The following NBPF4 variants were observed in gnomAD, a reference collection of about 807,000 sequenced individuals.
NBPF4 encodes the protein NBPF member 4.
In NBPF4, 11 loss-of-function variants were observed where a neutral mutation model predicts 21.1. The observed-to-expected ratio is 0.52, with a 90% confidence interval of 0.33 to 0.86. NBPF4 has a LOEUF of 0.86. Among genes scored for constraint, NBPF4 ranks in the 40% least tolerant of loss-of-function variants. NBPF4 has a pLI of 0.03. For synonymous variants in NBPF4, 47 were observed against 106.4 expected (o/e 0.44, Z 3.43); for missense variants, 88 against 265.3 (o/e 0.33, Z 4.64).
In NBPF4 at chr1:108,222,940, C is replaced by G. The variant is rs1212999154; in HGVS notation, c.*765G>C. On this transcript the variant is annotated 3_prime_UTR_variant, in exon 15 of 15. Transcript: ENST00000415641. The stretch of plus-strand genomic sequence containing the variant: ...GATGGACACACTGGGCCTTCTCTGC[C>G]TGCAGATGGGCTGAGGTAGGAAGCT... 1.3e-5 allele frequency among the ~76,000 whole-genome samples: 2 copies of G among 152,168 alleles called. No homozygotes were observed. Among genetic ancestry groups the G allele is most frequent in the Non-Finnish European group, 2.9e-5 (2 of 68,030 alleles).
intron 3 of NBPF4, among the ~76,000 whole-genome samples, chr1:108,241,454 G>A (rs2488716): frequency 8.1e-5 from 12 of 147,370 alleles, no homozygotes; most frequent in Non-Finnish European, 1.3e-4. Flanking sequence ...TAATATCCTC[G>A]CAGATGTTCC....
chr1:108,257,560 T>C, the NBPF4 span, among the ~76,000 whole-genome samples: 2 of 147,008 alleles, frequency 1.4e-5, no homozygotes, highest in African/African-American at 5.1e-5. Flanking sequence ...ACGAATCTGA[T>C]TTTTTACTTA....
At chr1:108,264,646 CA>C in the NBPF4 span, among the ~76,000 whole-genome samples, 1 of 78,290 alleles carries the variant, frequency 1.3e-5, no homozygotes, top group African/African-American at 5.2e-5. Context: ...GGAAGTAAAA[CA>C]CTCCTCATCA....
the NBPF4 span, among the ~76,000 whole-genome samples, chr1:108,252,743 T>C: frequency 1.5e-5 from 2 of 132,628 alleles, no homozygotes; most frequent in Non-Finnish European, 3.2e-5. Context: ...TCAATTTTAT[T>C]CAGTTCAGCT....
the NBPF4 span, among the ~76,000 whole-genome samples, chr1:108,266,130 C>A: frequency 2.2e-5 from 3 of 136,074 alleles, no homozygotes; most frequent in South Asian, 2.4e-4. Flanking sequence ...AAAAAATCAA[C>A]AAATCTAGGA....
In NBPF4 at chr1:108,222,870, G is replaced by C. The variant is rs1168356655; in HGVS notation, c.*835C>G. Reference sequence around the variant, plus strand: ...GTCTTTACAAGGGACAGAGCTCCTAGACCCCTCCTTAACCAAGTGACCATC... The same window carrying C: ...GTCTTTACAAGGGACAGAGCTCCTACACCCCTCCTTAACCAAGTGACCATC... On this transcript the variant is annotated 3_prime_UTR_variant, in exon 15 of 15. Transcript: ENST00000415641. 6.6e-6 allele frequency among the ~76,000 whole-genome samples: 1 copy of C among 152,124 alleles called. No homozygotes were observed. Among genetic ancestry groups the C allele is most frequent in the Non-Finnish European group, 1.5e-5 (1 of 68,024 alleles).
Position 108,223,585 on chromosome 1 carries a change from T to C in NBPF4, c.*120A>G. 4.7e-6 allele frequency: 4 copies of C among 852,998 alleles called. No individual in the cohort carries two copies. The highest frequency in any genetic ancestry group is 7.5e-6 in the Non-Finnish European group (4 of 534,616). The allele number at this position is 852,998 out of a possible 1,614,324, so 52.8% of individuals were successfully genotyped here. ...AGTGGCTTGAAGTCATCAAGAGTAT[T>C]CTGTGTCTGAAATTCAATCCTCAGT... On this transcript the variant is annotated 3_prime_UTR_variant, in exon 15 of 15. Transcript: ENST00000415641.
chr1:108,258,566 G>C, the NBPF4 span, among the ~76,000 whole-genome samples: 1 of 140,122 alleles, frequency 7.1e-6, no homozygotes, highest in Non-Finnish European at 1.5e-5. Context: ...TATTTACCAG[G>C]TGAAAAGAAT....
Position 108,222,910 on chromosome 1 carries a change from C to G in NBPF4, c.*795G>C, listed in dbSNP as rs2919516. On this transcript the variant is annotated 3_prime_UTR_variant, in exon 15 of 15. Transcript: ENST00000415641. Reference sequence around the variant, plus strand: ...AAGTGACCATCCTAGTATCACCGCACTGGGGATGGACACACTGGGCCTTCT... The same window carrying G: ...AAGTGACCATCCTAGTATCACCGCAGTGGGGATGGACACACTGGGCCTTCT... Among the ~76,000 whole-genome samples the G allele has an allele frequency of 1.3e-5, 2 of 152,154 alleles. No homozygotes were observed. The highest frequency in any genetic ancestry group is 4.8e-5 in the African/African-American group (2 of 41,446).
intron 12 of NBPF4, among the ~76,000 whole-genome samples, chr1:108,229,392 C>A (rs1571326378): frequency 1.3e-5 from 2 of 150,338 alleles, no homozygotes; most frequent in East Asian, 4.0e-4. Flanking sequence ...CTGCTTCAGC[C>A]CAGAGGGCTT....
At chr1:108,268,040 G>T in the NBPF4 span, among the ~76,000 whole-genome samples, 1 of 124,956 alleles carries the variant, frequency 8.0e-6, no homozygotes, top group South Asian at 2.9e-4. Context: ...TCAAGTAATA[G>T]AGAATTATTT....
At chr1:108,226,216 A>G (rs1649467715) in intron 14 of NBPF4, among the ~76,000 whole-genome samples, 1 of 150,822 alleles carries the variant, frequency 6.6e-6, no homozygotes, top group African/African-American at 2.5e-5. Context: ...TTAAGAGTTG[A>G]ATTAGTTGTG....
chr1:108,229,209 G>A, intron 12 of NBPF4, 53 bp from the exon 13 acceptor site: 1 of 1,410,306 alleles, frequency 7.1e-7, no homozygotes, highest in South Asian at 1.3e-5. Flanking sequence ...CCTTTGTTAA[G>A]TCATCCCAGA....
At chr1:108,266,236 G>C in the NBPF4 span, among the ~76,000 whole-genome samples, 2 of 144,368 alleles carry the variant, frequency 1.4e-5, no homozygotes, top group African/African-American at 5.2e-5. Context: ...AACACAATCA[G>C]AAATGATATG....
At chr1:108,228,536 G>T (rs1316055291) in intron 13 of NBPF4, among the ~76,000 whole-genome samples, 1 of 151,916 alleles carries the variant, frequency 6.6e-6, no homozygotes, top group African/African-American at 2.4e-5. Context: ...CTTGCTAAGT[G>T]TAAATTTAGC....
At chr1:108,257,652 T>A in the NBPF4 span, among the ~76,000 whole-genome samples, 1 of 143,596 alleles carries the variant, frequency 7.0e-6, no homozygotes, top group Non-Finnish European at 1.5e-5. Flanking sequence ...CATTTTTAAA[T>A]ATTTTTCTTT....
chr1:108,246,024 A>C (rs1418522636), upstream of NBPF4, among the ~76,000 whole-genome samples: 1 of 116,018 alleles, frequency 8.6e-6, no homozygotes, highest in African/African-American at 3.3e-5. Flanking sequence ...TTAATTCACT[A>C]TTCTATTGAG....
At chr1:108,226,566 A>G in intron 14 of NBPF4, 113 bp downstream of exon 14, 1 of 815,070 alleles carries the variant, frequency 1.2e-6, no homozygotes, top group Non-Finnish European at 1.9e-6. Flanking sequence ...GACAGAGGTT[A>G]GAGCAGCTGT....
intron 14 of NBPF4, among the ~76,000 whole-genome samples, chr1:108,226,131 G>C (rs1166885272): frequency 7.3e-6 from 1 of 137,544 alleles, no homozygotes; most frequent in Non-Finnish European, 1.6e-5. Context: ...CTGTGACCCT[G>C]GTTCTAGTTT....
Sources: allele counts gnomAD v4.1 joint callset (sites outside exome capture counted in the v4.1 genomes callset), GRCh38; gene constraint gnomAD v4.1.1; transcripts MANE v1.5; gene names NCBI Gene and HGNC (gene_info 2026-07-23, HGNC 2026-07-21).